Variants in CARF observed in about 807,000 individuals in gnomAD.
The protein encoded by CARF is calcium-responsive transcription factor.
In CARF, 57 loss-of-function variants were observed where a neutral mutation model predicts 82.0. The observed-to-expected ratio is 0.70, with a 90% CI of 0.56 to 0.87. The LOEUF is 0.87. Among genes scored for constraint, CARF ranks in the 40% least tolerant of loss-of-function variants. The probability of loss-of-function intolerance (pLI) is 0.00; values close to 1 mark genes in which losing one functional copy is unlikely to be tolerated. For synonymous variants in CARF, 268 were observed against 290.1 expected (o/e 0.92, Z 0.77); for missense variants, 771 against 855.8 (o/e 0.90, Z 1.24).
intron 6 of CARF, among the ~76,000 whole-genome samples, chr2:202,953,776 T>C (rs1050866653): frequency 6.6e-6 from 1 of 152,110 alleles, no homozygotes; most frequent in South Asian, 2.1e-4. Context: ...ACCACTTTTA[T>C]ATCCTGGCTG....
chr2:202,935,910 G>C (rs1360401595), intron 3 of CARF, among the ~76,000 whole-genome samples: 2 of 152,024 alleles, frequency 1.3e-5, no homozygotes, highest in African/African-American at 2.4e-5. Context: ...TCAAACTCCT[G>C]GGCTCGTGCC....
At chr2:202,919,376 A>G (rs1690355156) in intron 2 of CARF, among the ~76,000 whole-genome samples, 1 of 152,234 alleles carries the variant, frequency 6.6e-6, no homozygotes, top group Non-Finnish European at 1.5e-5. Context: ...AAATTAGGCT[A>G]GTAAAGGTAA....
chr2:202,983,682 A>C lies in CARF; in HGVS notation c.*58A>C, dbSNP rs1360691893. 9.7e-7 allele frequency: 1 copy of C among 1,029,164 alleles called. No homozygotes were observed. Among genetic ancestry groups the C allele is most frequent in the Non-Finnish European group, 1.5e-6 (1 of 665,504 alleles). The allele number at this position is 1,029,164 out of a possible 1,614,324, so 63.8% of individuals were successfully genotyped here. Reference sequence around the variant, plus strand: ...GTGACTTCTGATGTCTTAGAAAGGAAGGTGAATATAGTCAAAGCGTGGCAT... The same window carrying C: ...GTGACTTCTGATGTCTTAGAAAGGACGGTGAATATAGTCAAAGCGTGGCAT... On this transcript the variant is annotated 3_prime_UTR_variant, in exon 17 of 17. Transcript: ENST00000438828.
chr2:202,942,099 C>T (rs946279574), intron 4 of CARF, 119 bp downstream of exon 4: 29 of 748,156 alleles, frequency 3.9e-5, no homozygotes, highest in African/African-American at 3.5e-4. Context: ...TTGAGCTGGG[C>T]GTGGTGGCTG....
intron 1 of CARF, among the ~76,000 whole-genome samples, chr2:202,916,216 C>G (rs1425965251): frequency 6.6e-6 from 1 of 151,964 alleles, no homozygotes; most frequent in Non-Finnish European, 1.5e-5. Context: ...GAGTCTCACT[C>G]TGTCGCCAGG....
chr2:202,960,752 G>GCCTTCCCTCCTTCTCTCCTTCCCT (rs2059282200), intron 8 of CARF, among the ~76,000 whole-genome samples: 2 of 145,326 alleles, frequency 1.4e-5, no homozygotes, highest in Admixed American at 6.9e-5. Context: ...CCGCCTTCCT[G>GCCTTCCCTCCTTCTCTCCTTCCCT]CCTTCCCTCC....
Position 202,977,306 on chromosome 2 carries a change from A to G in CARF, c.1532A>G (p.Glu511Gly). The change falls in exon 14 of 17, where the codon GAG becomes GGG. Residue 511 changes from glutamate (E) to glycine (G), a missense_variant. Glu to Gly is a moderately conservative substitution (Grantham distance 98, BLOSUM62 -2). Coordinates refer to ENST00000438828, the MANE Select transcript of CARF (RefSeq NM_024744.17). ...WTTDSGNILK[E>G]TMTVTFAEGN... is the part of the protein sequence containing the mutation. ...ACAGACAGTGGGAATATTCTCAAAG[A>G]GACCATGACAGTTACATTTGCAGAA... The G allele has an allele frequency of 6.2e-7, 1 of 1,612,612 alleles. No individual in the cohort carries two copies. The highest frequency in any genetic ancestry group is 8.5e-7 in the Non-Finnish European group (1 of 1,179,046).
intron 5 of CARF, among the ~76,000 whole-genome samples, chr2:202,946,597 C>T (rs778195098): frequency 4.6e-5 from 7 of 152,160 alleles, no homozygotes; most frequent in Non-Finnish European, 7.4e-5. Flanking sequence ...TGGGCAAAGA[C>T]TTCATGACTA....
intron 13 of CARF, 36 bp downstream of exon 13, chr2:202,974,532 T>G (rs1319573147): frequency 1.3e-6 from 2 of 1,534,164 alleles, no homozygotes; most frequent in East Asian, 4.7e-5. Flanking sequence ...TTACAGAGTC[T>G]TTCTCAGCTT....
At position 202,982,148 on chromosome 2, in the gene CARF, C is replaced by T; in HGVS notation, c.1766C>T (p.Ser589Phe). The T allele has an allele frequency of 6.2e-6, 10 of 1,614,128 alleles. No homozygotes were observed. The highest frequency in any genetic ancestry group is 6.8e-6 in the Non-Finnish European group (8 of 1,179,962). The change falls in exon 16 of 17, where the codon TCT becomes TTT. Residue 589 changes from serine (S) to phenylalanine (F), a missense_variant. Physicochemically the swap from Ser to Phe is radical, Grantham distance 155. Transcript: ENST00000438828. ...GTATCAGTAAATAACCAGCCGTCCT[C>T]TAGTCCTTCAGGACTTCTGGATACA... Reference protein sequence around the residue: ...AVVSVNNQPSSSPSGLLDTIG... With the variant: ...AVVSVNNQPSFSPSGLLDTIG...
chr2:202,957,669 C>T (rs977491642), intron 8 of CARF, among the ~76,000 whole-genome samples: 1 of 152,044 alleles, frequency 6.6e-6, no homozygotes, highest in Admixed American at 6.6e-5. Flanking sequence ...TATTTACTAG[C>T]TTAGGCCGGG....
chr2:202,958,247 A>ATGTGTGTGTGTG (rs1225523942), intron 8 of CARF, among the ~76,000 whole-genome samples: 36 of 26,524 alleles, frequency 1.4e-3, no homozygotes, highest in East Asian at 3.6e-3. Context: ...GTATATACAT[A>ATGTGTGTGTGTG]TATGTGTGTG....
chr2:202,954,135 G>A lies in CARF; in HGVS notation c.557+1G>A. The A allele has an allele frequency of 6.2e-7, 1 of 1,611,776 alleles. No individual in the cohort carries two copies. Among genetic ancestry groups the A allele is most frequent in the Non-Finnish European group, 8.5e-7 (1 of 1,179,144 alleles). The stretch of plus-strand genomic sequence containing the variant: ...CATTGCCCAAAAAGTCAGTGACCGG[G>A]TGAGTCCACGGGAAAGAGAAGCTCA... On this transcript the variant is annotated splice_donor_variant, in intron 7 of 16. Coordinates refer to ENST00000438828, the MANE Select transcript of CARF (RefSeq NM_024744.17). LOFTEE classifies it high-confidence loss of function.
At chr2:202,944,318 G>A (rs573304328) in intron 5 of CARF, among the ~76,000 whole-genome samples, 122 of 152,186 alleles carry the variant, frequency 8.0e-4, no homozygotes, top group Non-Finnish European at 1.6e-3. Flanking sequence ...GAAGGATAAT[G>A]TGTTTCTTGT....
At chr2:202,926,457 A>G (rs547027342) in intron 3 of CARF, among the ~76,000 whole-genome samples, 2 of 152,196 alleles carry the variant, frequency 1.3e-5, no homozygotes, top group East Asian at 3.9e-4. Context: ...CCATTGATCT[A>G]TTTGTCTATT....
chr2:202,937,911 C>T (rs1252790983), intron 3 of CARF, among the ~76,000 whole-genome samples: 1 of 149,454 alleles, frequency 6.7e-6, no homozygotes, highest in African/African-American at 2.5e-5. Flanking sequence ...AGGTGTGAGC[C>T]GTTGCACCCA....
intron 9 of CARF, 130 bp from the exon 10 acceptor site, chr2:202,966,845 TTAC>T (rs1237630947): frequency 1.9e-5 from 14 of 738,538 alleles, no homozygotes; most frequent in Non-Finnish European, 3.1e-5. Flanking sequence ...TAAGTAAGAC[TTAC>T]TAATGTTTTC....
intron 2 of CARF, among the ~76,000 whole-genome samples, chr2:202,921,800 TAAAC>T (rs1690843952): frequency 6.6e-6 from 1 of 152,162 alleles, no homozygotes; most frequent in African/African-American, 2.4e-5. Flanking sequence ...TTTAATGACA[TAAAC>T]AATAAAACTT....
At chr2:202,938,001 C>T (rs1694226586) in intron 3 of CARF, among the ~76,000 whole-genome samples, 1 of 151,804 alleles carries the variant, frequency 6.6e-6, no homozygotes, top group Non-Finnish European at 1.5e-5. Context: ...TGTTTTGATA[C>T]TGACATGCAA....
Sources: allele counts gnomAD v4.1 joint callset (sites outside exome capture counted in the v4.1 genomes callset), GRCh38; gene constraint gnomAD v4.1.1; transcripts MANE v1.5; gene names NCBI Gene and HGNC (gene_info 2026-07-23, HGNC 2026-07-21).